Variants in DPY19L3 observed in about 807,000 individuals in gnomAD.
The protein encoded by DPY19L3 is protein C-mannosyl-transferase DPY19L3.
Under a neutral mutation model 92.3 loss-of-function variants are expected in DPY19L3, and 51 were observed. That is an observed-to-expected ratio of 0.55 (90% CI 0.44 to 0.70). DPY19L3 has a LOEUF of 0.70. Ranked by LOEUF, DPY19L3 falls within the 30% of genes least tolerant of loss-of-function variation. The pLI, the probability that DPY19L3 is intolerant of heterozygous loss-of-function variation, is 0.00. For synonymous variants in DPY19L3, 309 were observed against 315.2 expected (o/e 0.98, Z 0.21); for missense variants, 706 against 855.9 (o/e 0.82, Z 2.18).
At chr19:32,450,301 G>A (rs1010634400) in intron 8 of DPY19L3, among the ~76,000 whole-genome samples, 1 of 152,122 alleles carries the variant, frequency 6.6e-6, no homozygotes, top group African/African-American at 2.4e-5. Context: ...AGATGGTGTA[G>A]TCACTTTGAA....
chr19:32,436,463 T>A lies in DPY19L3; in HGVS notation c.346T>A (p.Tyr116Asn). Reference sequence around the variant, plus strand: ...ATCTATAGGTTTTCATGGCCTAATATATGATAATAAAACTGAATCTATGAA... The same window carrying A: ...ATCTATAGGTTTTCATGGCCTAATAAATGATAATAAAACTGAATCTATGAA... The part of the protein sequence containing the change: ...TLVQGFHGLI[Y>N]DNKTESMKTI... Residue 116 changes from tyrosine (Y) to asparagine (N), a missense_variant, in exon 5 of 19, where the codon TAT becomes AAT. Physicochemically the swap from Tyr to Asn is moderately radical, Grantham distance 143. Coordinates refer to ENST00000392250, the MANE Select transcript of DPY19L3 (RefSeq NM_001172774.2). The A allele has an allele frequency of 6.5e-7, 1 of 1,537,780 alleles. No homozygotes were observed. Among genetic ancestry groups the A allele is most frequent in the Non-Finnish European group, 8.9e-7 (1 of 1,125,422 alleles).
chr19:32,415,982 G>C (rs1250872367), intron 3 of DPY19L3, among the ~76,000 whole-genome samples: 2 of 152,202 alleles, frequency 1.3e-5, no homozygotes, highest in Non-Finnish European at 2.9e-5. Context: ...GCCAAGCTAA[G>C]ATCTGCGAGA....
At chr19:32,429,209 C>T (rs371765944) in intron 3 of DPY19L3, among the ~76,000 whole-genome samples, 8 of 152,178 alleles carry the variant, frequency 5.3e-5, no homozygotes, top group Admixed American at 3.3e-4. Flanking sequence ...TCATTATCTT[C>T]GAAGATGTTT....
chr19:32,440,092 CTT>C (rs1969275803), intron 8 of DPY19L3, among the ~76,000 whole-genome samples, 182 bp downstream of exon 8: 1 of 152,158 alleles, frequency 6.6e-6, no homozygotes, highest in Non-Finnish European at 1.5e-5. Flanking sequence ...ACCATCTTAA[CTT>C]TTATTCGCTT....
Position 32,482,252 on chromosome 19 carries a change from G to A in DPY19L3, c.*12G>A, listed in dbSNP as rs200722143. 404 of 1,603,334 alleles carry A rather than the reference G, an allele frequency of 2.5e-4. No homozygotes were observed. The Admixed American group carries it at 7.0e-3, about 28-fold the overall frequency. On this transcript the variant is annotated 3_prime_UTR_variant, in exon 19 of 19. Coordinates refer to ENST00000392250, the MANE Select transcript of DPY19L3 (RefSeq NM_001172774.2). ...CCAGAAACAAGTAGCGCAGATTTCT[G>A]CCCAGTGTCTATTTTTGATACGGAG... is the stretch of plus-strand genomic sequence containing the variant.
At chr19:32,407,204 G>A (rs1967990326) in intron 1 of DPY19L3, among the ~76,000 whole-genome samples, 1 of 149,868 alleles carries the variant, frequency 6.7e-6, no homozygotes, top group African/African-American at 2.5e-5. Flanking sequence ...ACTGGAACCC[G>A]CTTACTCACT....
intron 16 of DPY19L3, 172 bp downstream of exon 16, chr19:32,468,985 T>G (rs1970274881): frequency 3.8e-6 from 2 of 527,018 alleles, no homozygotes; most frequent in African/African-American, 2.0e-5. Flanking sequence ...GTCTTTCTAT[T>G]TAAGAAATAT....
intron 3 of DPY19L3, among the ~76,000 whole-genome samples, chr19:32,417,336 C>G (rs1968412057): frequency 6.6e-6 from 1 of 152,120 alleles, no homozygotes; most frequent in African/African-American, 2.4e-5. Context: ...TAATTTTTTT[C>G]TGAGACGGAG....
At chr19:32,466,715 A>G (rs978066346) in intron 15 of DPY19L3, among the ~76,000 whole-genome samples, 1 of 152,268 alleles carries the variant, frequency 6.6e-6, no homozygotes, top group Non-Finnish European at 1.5e-5. Context: ...GGGAGTTAGT[A>G]TCCTGAGGAA....
chr19:32,476,304 GA>G (rs1970506579), intron 16 of DPY19L3, among the ~76,000 whole-genome samples: 1 of 152,012 alleles, frequency 6.6e-6, no homozygotes, highest in Admixed American at 6.6e-5. Context: ...AGAGGATGTT[GA>G]ATTTTAATGA....
intron 8 of DPY19L3, among the ~76,000 whole-genome samples, chr19:32,447,446 G>A (rs1424188190): frequency 2.0e-5 from 3 of 152,276 alleles, no homozygotes; most frequent in East Asian, 3.9e-4. Context: ...GGTCGGGCAC[G>A]GTGGCTCTGC....
intron 3 of DPY19L3, among the ~76,000 whole-genome samples, chr19:32,428,842 TTG>T (rs1968862222): frequency 2.1e-5 from 3 of 146,082 alleles, no homozygotes; most frequent in African/African-American, 5.0e-5. Flanking sequence ...GTTTTTTTTC[TTG>T]TTGTTGTTGT....
In DPY19L3 at chr19:32,483,616, A is replaced by G. The variant is rs921492054; in HGVS notation, c.*1376A>G. The G allele has an allele frequency of 6.6e-6, 1 of 152,370 alleles. No homozygotes were observed. The highest frequency in any genetic ancestry group is 1.5e-5 in the Non-Finnish European group (1 of 68,036). 9.4% of individuals were successfully genotyped at this position (152,370 alleles called of 1,614,324 possible). A position where few individuals can be genotyped will look rare whatever the true frequency, so the allele number is the denominator to read the frequency against. ...TCAAATGATTTTATATTCAGTTGCTACTTATAAAGCAGCATTCAAAAAGTC... is the reference window on the plus strand; with the variant it reads ...TCAAATGATTTTATATTCAGTTGCTGCTTATAAAGCAGCATTCAAAAAGTC... On this transcript the variant is annotated 3_prime_UTR_variant, in exon 19 of 19. Transcript: ENST00000392250.
intron 16 of DPY19L3, among the ~76,000 whole-genome samples, chr19:32,473,522 T>C (rs1189854002): frequency 6.6e-6 from 1 of 152,220 alleles, no homozygotes; most frequent in African/African-American, 2.4e-5. Context: ...CCCTTCTCCC[T>C]TTGCCTGCTA....
chr19:32,448,497 T>A (rs902887477), intron 8 of DPY19L3, among the ~76,000 whole-genome samples: 1 of 152,192 alleles, frequency 6.6e-6, no homozygotes, highest in South Asian at 2.1e-4. Flanking sequence ...GCCTTACCAA[T>A]AACATAGTTG....
chr19:32,452,047 T>G (rs1371675550), intron 8 of DPY19L3, among the ~76,000 whole-genome samples: 2 of 152,208 alleles, frequency 1.3e-5, no homozygotes, highest in African/African-American at 4.8e-5. Context: ...CAGGCTGGTC[T>G]TGAACTGGGC....
chr19:32,465,579 G>A (rs1396489043), intron 15 of DPY19L3, among the ~76,000 whole-genome samples: 4 of 152,110 alleles, frequency 2.6e-5, no homozygotes, highest in African/African-American at 9.7e-5. Flanking sequence ...CCCCTGATTT[G>A]GGAGGGTGGC....
intron 3 of DPY19L3, among the ~76,000 whole-genome samples, chr19:32,426,685 T>C (rs1169625544): frequency 5.3e-5 from 8 of 152,192 alleles, no homozygotes; most frequent in African/African-American, 1.9e-4. Flanking sequence ...TGTGGTTTAT[T>C]GTGCCCCAAA....
chr19:32,434,820 CCTT>C (rs1969085698), intron 4 of DPY19L3, among the ~76,000 whole-genome samples: 1 of 151,810 alleles, frequency 6.6e-6, no homozygotes, highest in Admixed American at 6.5e-5. Context: ...CAGACAGCCA[CCTT>C]CTTGCTGTGT....
Sources: gnomAD v4.1 joint callset for allele counts (sites outside exome capture counted in the v4.1 genomes callset) on GRCh38, gnomAD v4.1.1 for gene constraint, MANE v1.5 for transcripts, NCBI Gene and HGNC (gene_info 2026-07-23, HGNC 2026-07-21) for gene names.